GDAP2: variants seen among roughly 807,000 people sequenced by gnomAD.
GDAP2 encodes ganglioside induced differentiation associated protein 2.
Under a neutral mutation model 67.0 loss-of-function variants are expected in GDAP2, and 51 were observed. The observed-to-expected ratio is 0.76, with a 90% CI of 0.61 to 0.96. The LOEUF (loss-of-function observed/expected upper bound fraction) is 0.96, where lower values mean the gene tolerates loss of function less well. Ranked by LOEUF, GDAP2 falls within the 40% of genes least tolerant of loss-of-function variation. The pLI, the probability that GDAP2 is intolerant of heterozygous loss-of-function variation, is 0.00. For missense variants in GDAP2, 547 were observed against 588.3 expected, an observed-to-expected ratio of 0.93 and a Z score of 0.73; for synonymous variants, 203 against 207.3, an observed-to-expected ratio of 0.98 and a Z score of 0.18.
chr1:117,878,926 T>A (rs1272432668), intron 12 of GDAP2, among the ~76,000 whole-genome samples: 2 of 152,202 alleles, frequency 1.3e-5, no homozygotes, highest in Non-Finnish European at 2.9e-5. Flanking sequence ...ATTGTTGCTA[T>A]CCCCATTTTA....
intron 5 of GDAP2, among the ~76,000 whole-genome samples, chr1:117,907,076 A>G (rs1438201302): frequency 1.3e-5 from 2 of 152,170 alleles, no homozygotes; most frequent in Non-Finnish European, 2.9e-5. Context: ...AGACCCTGAC[A>G]AAACTCCACA....
At chr1:117,922,400 C>A (rs1482974441) in intron 1 of GDAP2, among the ~76,000 whole-genome samples, 2 of 152,172 alleles carry the variant, frequency 1.3e-5, no homozygotes, top group African/African-American at 4.8e-5. Context: ...GAAAACATTT[C>A]AAGCAATACT....
intron 7 of GDAP2, among the ~76,000 whole-genome samples, chr1:117,898,066 T>C (rs958880868): frequency 1.3e-5 from 2 of 152,138 alleles, no homozygotes; most frequent in African/African-American, 4.8e-5. Flanking sequence ...AATAAAACAC[T>C]CTGGGAATGG....
chr1:117,905,625 C>G (rs1454770365), intron 6 of GDAP2, among the ~76,000 whole-genome samples: 1 of 152,138 alleles, frequency 6.6e-6, no homozygotes, highest in Non-Finnish European at 1.5e-5. Context: ...ATGATAAAGG[C>G]TCCTTGAGGA....
intron 1 of GDAP2, among the ~76,000 whole-genome samples, chr1:117,921,239 TA>T (rs138452073): frequency 2.9e-4 from 44 of 150,634 alleles, no homozygotes; most frequent in Admixed American, 4.0e-4. Flanking sequence ...AAACTCCGTC[TA>T]AAAAAAAAAT....
At chr1:117,927,366 C>T (rs778172494) in intron 1 of GDAP2, among the ~76,000 whole-genome samples, 1 of 151,458 alleles carries the variant, frequency 6.6e-6, no homozygotes, top group South Asian at 2.1e-4. Flanking sequence ...ATCACCATCT[C>T]AAAAAAAACT....
chr1:117,906,368 G>C (rs1022257248), intron 6 of GDAP2, 138 bp downstream of exon 6: 3 of 571,676 alleles, frequency 5.2e-6, no homozygotes, highest in Non-Finnish European at 6.2e-6. Context: ...ATGAATGATT[G>C]TAAGACCCAC....
chr1:117,909,551 A>C (rs1280473953), intron 5 of GDAP2, among the ~76,000 whole-genome samples: 1 of 152,222 alleles, frequency 6.6e-6, no homozygotes, highest in Non-Finnish European at 1.5e-5. Context: ...AAAGTGTATA[A>C]GCCATTTGTT....
rs1164454133 is a variant in GDAP2 at position 117,866,078 on chromosome 1, A to T, written c.*4491T>A. On this transcript the variant is annotated 3_prime_UTR_variant, in exon 14 of 14. Coordinates refer to ENST00000369443, the MANE Select transcript of GDAP2 (RefSeq NM_017686.4). ...ATATGACCTAGATTATAGGTATGTT[A>T]TGAACTGAATGCTTATGTTCTCCTC... 1 of 152,232 alleles carries T rather than the reference A, an allele frequency of 6.6e-6. No homozygotes were observed. Among genetic ancestry groups the T allele is most frequent in the Non-Finnish European group, 1.5e-5 (1 of 68,040 alleles). 9.4% of individuals were successfully genotyped at this position (152,232 alleles called of 1,614,324 possible). A position where few individuals can be genotyped will look rare whatever the true frequency, so the allele number is the denominator to read the frequency against.
chr1:117,884,813 C>CATATGTGTGT (rs376358688), intron 10 of GDAP2, among the ~76,000 whole-genome samples: 1 of 147,862 alleles, frequency 6.8e-6, no homozygotes, highest in Non-Finnish European at 1.5e-5. Context: ...TTATTCCCTC[C>CATATGTGTGT]GTGTGTGTGT....
At chr1:117,888,298 G>C (rs1207168393) in intron 8 of GDAP2, among the ~76,000 whole-genome samples, 1 of 152,128 alleles carries the variant, frequency 6.6e-6, no homozygotes, top group Non-Finnish European at 1.5e-5. Flanking sequence ...GGATCACAAA[G>C]GAGTTGGGTA....
At chr1:117,909,875 C>T (rs1004593227) in intron 5 of GDAP2, among the ~76,000 whole-genome samples, 1 of 152,154 alleles carries the variant, frequency 6.6e-6, no homozygotes, top group Non-Finnish European at 1.5e-5. Flanking sequence ...AACCAGTCTT[C>T]TTAACCCCCT....
At position 117,864,886 on chromosome 1, in the gene GDAP2, G is replaced by T. The variant is rs548875185; in HGVS notation, c.*5683C>A. Reference sequence around the variant, plus strand: ...AAGAGCATTAGAAGAGACGATGAACGTTAGAGTGCCTGGACCACAGGAAGA... The same window carrying T: ...AAGAGCATTAGAAGAGACGATGAACTTTAGAGTGCCTGGACCACAGGAAGA... On this transcript the variant is annotated 3_prime_UTR_variant, in exon 14 of 14. Coordinates refer to ENST00000369443, the MANE Select transcript of GDAP2 (RefSeq NM_017686.4). The T allele has an allele frequency of 6.6e-6, 1 of 152,228 alleles. No homozygotes were observed. The highest frequency in any genetic ancestry group is 1.9e-4 in the East Asian group (1 of 5,176). 9.4% of individuals were successfully genotyped at this position (152,228 alleles called of 1,614,324 possible).
At chr1:117,876,568 C>G (rs982516109) in intron 13 of GDAP2, among the ~76,000 whole-genome samples, 5 of 152,126 alleles carry the variant, frequency 3.3e-5, no homozygotes, top group Non-Finnish European at 5.9e-5. Flanking sequence ...AGCATAGGTA[C>G]AAAGAGATGA....
At chr1:117,882,539 A>G (rs1340664687) in intron 11 of GDAP2, among the ~76,000 whole-genome samples, 2 of 152,108 alleles carry the variant, frequency 1.3e-5, no homozygotes, top group Non-Finnish European at 2.9e-5. Context: ...TTTTTTCAAC[A>G]GTTCAGTAAT....
chr1:117,905,427 G>A (rs1649622811), intron 6 of GDAP2, among the ~76,000 whole-genome samples: 1 of 152,046 alleles, frequency 6.6e-6, no homozygotes, highest in Non-Finnish European at 1.5e-5. Context: ...TATGACCGCT[G>A]TCATTTGCCT....
chr1:117,881,969 T>C (rs1648662936), intron 11 of GDAP2, 92 bp from the exon 12 acceptor site: 2 of 699,314 alleles, frequency 2.9e-6, no homozygotes, highest in African/African-American at 3.6e-5. Flanking sequence ...TGCCTGAGTA[T>C]ATAAATATAT....
At chr1:117,911,754 TAAA>T (rs1382438697) in intron 5 of GDAP2, among the ~76,000 whole-genome samples, 1 of 135,528 alleles carries the variant, frequency 7.4e-6, no homozygotes, top group East Asian at 2.1e-4. Context: ...ATTTAATGAT[TAAA>T]AAAAAAAAAA....
intron 5 of GDAP2, among the ~76,000 whole-genome samples, chr1:117,911,764 A>C (rs889205593): frequency 9.2e-5 from 14 of 152,012 alleles, no homozygotes; most frequent in East Asian, 7.7e-4. Flanking sequence ...TAAAAAAAAA[A>C]AAAACCTTTT....
Sources: gnomAD v4.1 joint callset for allele counts (sites outside exome capture counted in the v4.1 genomes callset) on GRCh38, gnomAD v4.1.1 for gene constraint, MANE v1.5 for transcripts, NCBI Gene and HGNC (gene_info 2026-07-23, HGNC 2026-07-21) for gene names.